Variants in WDR59 observed in about 807,000 individuals in gnomAD.
WDR59 encodes the protein GATOR2 complex protein WDR59.
Under a neutral mutation model 131.2 loss-of-function variants are expected in WDR59, and 100 were observed. The ratio of observed to expected loss-of-function variants is 0.76; its 90% CI spans 0.65 to 0.90. WDR59 has a LOEUF of 0.90. WDR59 is among the 40% of genes least tolerant of loss of function. WDR59 has a pLI of 0.00. For synonymous variants in WDR59, 601 were observed against 466.2 expected, an observed-to-expected ratio of 1.29 and a Z score of -3.72; for missense variants, 1,203 against 1,262.2, an observed-to-expected ratio of 0.95 and a Z score of 0.71.
intron 2 of WDR59, chr16:74,962,826 T>A (rs567417435): frequency 6.6e-6 from 1 of 151,938 alleles, no homozygotes; most frequent in Non-Finnish European, 1.5e-5. Context: ...TCTTGCCTGA[T>A]TGCCCTGGCC....
rs1440277085 is a variant in WDR59, at chr16:74,872,830, C to T, written c.*1379G>A. The T allele has an allele frequency of 6.6e-6, 1 of 151,994 alleles. No homozygotes were observed. Among genetic ancestry groups the T allele is most frequent in the African/African-American group, 2.4e-5 (1 of 41,364 alleles). 9.4% of individuals were successfully genotyped at this position (151,994 alleles called of 1,614,324 possible). A position where few individuals can be genotyped will look rare whatever the true frequency, so the allele number is the denominator to read the frequency against. ...CTCACTGCAGCCTCAACCTCCTGGA[C>T]TCAAGTGATCCTCCCACCTCGGCCC... is the stretch of plus-strand genomic sequence containing the variant. On this transcript the variant is annotated 3_prime_UTR_variant, in exon 26 of 26. Transcript: ENST00000262144.
Position 74,885,699 on chromosome 16 carries a change from T to C in WDR59, c.2643A>G (p.Glu881=). The C allele has an allele frequency of 1.2e-6, 2 of 1,614,080 alleles. No homozygotes were observed. Among genetic ancestry groups the C allele is most frequent in the Non-Finnish European group, 8.5e-7 (1 of 1,180,020 alleles). The change falls in exon 25 of 26, where the codon GAA becomes GAG. Residue 881 remains glutamate, a synonymous_variant. Transcript: ENST00000262144. ...YRWGLREKRA[E]VLKFVSCPPD... The stretch of plus-strand genomic sequence containing the variant: ...GAGGACAGGAGACAAACTTCAACAC[T>C]TCAGCTCGCTTCTCTCTCAGACCCC...
intron 10 of WDR59, among the ~76,000 whole-genome samples, chr16:74,918,238 C>A (rs992625817): frequency 1.3e-5 from 2 of 152,116 alleles, no homozygotes; most frequent in African/African-American, 2.4e-5. Context: ...GATAAAACAT[C>A]TGGTATAAAG....
At chr16:74,890,183 C>T (rs749993436) in intron 20 of WDR59, among the ~76,000 whole-genome samples, 4 of 152,210 alleles carry the variant, frequency 2.6e-5, no homozygotes, top group Non-Finnish European at 5.9e-5. Context: ...CAGAGTCTCG[C>T]TCTGTCGCCC....
At chr16:74,925,849 C>CTCT (rs2030734958) in intron 8 of WDR59, among the ~76,000 whole-genome samples, 1 of 151,916 alleles carries the variant, frequency 6.6e-6, no homozygotes, top group East Asian at 1.9e-4. Flanking sequence ...GGCAACAAAG[C>CTCT]AAGACCCTGT....
At chr16:74,936,774 G>C (rs528871019) in intron 8 of WDR59, among the ~76,000 whole-genome samples, 2 of 151,308 alleles carry the variant, frequency 1.3e-5, no homozygotes. Flanking sequence ...GCAGTGAGCC[G>C]AGATCACACC....
At chr16:74,923,134 G>A (rs74026626) in intron 9 of WDR59, among the ~76,000 whole-genome samples, 1,707 of 152,208 alleles carry the variant, frequency 0.011, 27 homozygotes, top group African/African-American at 0.038. Context: ...GTATACTTTG[G>A]TGGATTTTAT....
intron 18 of WDR59, among the ~76,000 whole-genome samples, chr16:74,895,041 G>T (rs1408777170): frequency 6.6e-6 from 1 of 152,002 alleles, no homozygotes; most frequent in East Asian, 1.9e-4. Flanking sequence ...TTCCATAAAG[G>T]GTTTCTGACC....
chr16:74,928,199 T>A (rs953703078), intron 8 of WDR59, among the ~76,000 whole-genome samples: 17 of 119,966 alleles, frequency 1.4e-4, no homozygotes, highest in Middle Eastern at 4.3e-3. Flanking sequence ...AGCCACTGCA[T>A]CCAGGTTTTT....
intron 7 of WDR59, among the ~76,000 whole-genome samples, chr16:74,941,289 C>T (rs1428806317): frequency 6.9e-6 from 1 of 145,552 alleles, no homozygotes; most frequent in Non-Finnish European, 1.5e-5. Flanking sequence ...TGCAGTGAGC[C>T]ATAGTTACAC....
chr16:74,887,618 G>A, intron 23 of WDR59, 65 bp downstream of exon 23: 1 of 1,444,970 alleles, frequency 6.9e-7, no homozygotes, highest in Non-Finnish European at 9.7e-7. Context: ...TCAACTAAAG[G>A]TTACATATGC....
Position 74,916,278 on chromosome 16 carries a change from G to C in WDR59, c.967-19C>G, listed in dbSNP as rs755705010. On this transcript the variant is annotated intron_variant, in intron 11 of 25. Coordinates refer to ENST00000262144, the MANE Select transcript of WDR59 (RefSeq NM_030581.4). ...CACAAAGCTGCAACAAAGGGTAGAAGATGTAGTTCTAGAGAAGTCCGTGGA... is the reference window on the plus strand; with the variant it reads ...CACAAAGCTGCAACAAAGGGTAGAACATGTAGTTCTAGAGAAGTCCGTGGA... 6.2e-7 allele frequency: 1 copy of C among 1,613,522 alleles called. No homozygotes were observed.
intron 25 of WDR59, among the ~76,000 whole-genome samples, chr16:74,884,733 C>T (rs1192321648): frequency 1.3e-5 from 2 of 152,162 alleles, no homozygotes; most frequent in Non-Finnish European, 1.5e-5. Context: ...TCACTCTTCT[C>T]CCCACTGTAC....
chr16:74,934,358 C>T (rs1462344936), intron 8 of WDR59, among the ~76,000 whole-genome samples: 2 of 151,858 alleles, frequency 1.3e-5, no homozygotes, highest in Non-Finnish European at 2.9e-5. Context: ...TAAATATGTT[C>T]ACCAACTGGT....
intron 1 of WDR59, among the ~76,000 whole-genome samples, chr16:74,979,647 T>C (rs2145253944): frequency 6.6e-6 from 1 of 151,036 alleles, no homozygotes; most frequent in South Asian, 2.1e-4. Flanking sequence ...TTCAAGCGAT[T>C]CTTCTGCCTC....
At chr16:74,950,709 C>A (rs900114724) in intron 4 of WDR59, among the ~76,000 whole-genome samples, 2 of 152,158 alleles carry the variant, frequency 1.3e-5, no homozygotes, top group African/African-American at 2.4e-5. Flanking sequence ...GGCGGCTGTG[C>A]CCTTGGGTAA....
At chr16:74,965,744 T>G in intron 2 of WDR59, 29 bp downstream of exon 2, 1 of 1,613,924 alleles carries the variant, frequency 6.2e-7, no homozygotes, top group Non-Finnish European at 8.5e-7. Context: ...CCAGAAATCA[T>G]GGCAGACAAA....
intron 6 of WDR59, among the ~76,000 whole-genome samples, chr16:74,946,293 A>G (rs1035818939): frequency 6.6e-6 from 1 of 152,204 alleles, no homozygotes; most frequent in Non-Finnish European, 1.5e-5. Context: ...TCAGGCATCC[A>G]ATGGGGGTCT....
chr16:74,938,841 C>T (rs2032006032), intron 7 of WDR59, among the ~76,000 whole-genome samples: 1 of 151,172 alleles, frequency 6.6e-6, no homozygotes, highest in South Asian at 2.1e-4. Flanking sequence ...CCCGGCCTCA[C>T]ACTTTAACAG....
Sources: gnomAD v4.1 joint callset for allele counts (sites outside exome capture counted in the v4.1 genomes callset) on GRCh38, gnomAD v4.1.1 for gene constraint, MANE v1.5 for transcripts, NCBI Gene and HGNC (gene_info 2026-07-23, HGNC 2026-07-21) for gene names.